The following TENM2 variants were observed in gnomAD, a reference collection of about 807,000 sequenced individuals.
TENM2 encodes the protein teneurin-2.
In TENM2, 52 loss-of-function variants were observed where a neutral mutation model predicts 245.2. That is an observed-to-expected ratio of 0.21 (90% CI 0.17 to 0.27). TENM2 has a LOEUF of 0.27. Among genes scored for constraint, TENM2 ranks in the 10% least tolerant of loss-of-function variants. The pLI is 1.00. For missense variants in TENM2, 3,046 were observed against 3,666.8 expected, an observed-to-expected ratio of 0.83 and a Z score of 4.37; for synonymous variants, 1,363 against 1,438.9, an observed-to-expected ratio of 0.95 and a Z score of 1.19.
intron 23 of TENM2, 143 bp downstream of exon 25, chr5:168,219,142 C>A: frequency 1.3e-6 from 1 of 762,410 alleles, no homozygotes; most frequent in Non-Finnish European, 2.1e-6. Flanking sequence ...TCAAGACATT[C>A]ATGTCCCCTC....
At chr5:167,239,608 C>T in the TENM2 span, among the ~76,000 whole-genome samples, 3 of 152,272 alleles carry the variant, frequency 2.0e-5, no homozygotes, top group East Asian at 3.9e-4. Flanking sequence ...CTTCCTCCCC[C>T]ACTAGTAGTC....
intron 1 of TENM2, among the ~76,000 whole-genome samples, chr5:167,285,580 G>A (rs999162712): frequency 5.3e-5 from 8 of 152,086 alleles, no homozygotes; most frequent in African/African-American, 1.9e-4. Context: ...TTTGGGAGGA[G>A]AATATTTTTC....
At chr5:167,057,813 G>C in the TENM2 span, among the ~76,000 whole-genome samples, 2 of 152,164 alleles carry the variant, frequency 1.3e-5, no homozygotes, top group African/African-American at 2.4e-5. Flanking sequence ...CAGAAGCACA[G>C]GGGGATTTTT....
the TENM2 span, among the ~76,000 whole-genome samples, chr5:167,214,302 A>C: frequency 4.6e-5 from 7 of 152,168 alleles, no homozygotes; most frequent in African/African-American, 1.7e-4. Context: ...AAATTTAACA[A>C]GTAACCTTTC....
chr5:167,661,908 A>G (rs1429983851), intron 2 of TENM2, among the ~76,000 whole-genome samples: 2 of 152,078 alleles, frequency 1.3e-5, no homozygotes, highest in Admixed American at 1.3e-4. Flanking sequence ...AAAAGCATTC[A>G]CCTTCTTAGT....
chr5:167,778,065 G>T (rs1009286561), intron 2 of TENM2, among the ~76,000 whole-genome samples: 4 of 152,194 alleles, frequency 2.6e-5, no homozygotes, highest in African/African-American at 9.6e-5. Context: ...ACTGCAAAGG[G>T]TAAAATATTT....
intron 2 of TENM2, among the ~76,000 whole-genome samples, chr5:167,380,804 A>G (rs1405771406): frequency 6.6e-6 from 1 of 152,166 alleles, no homozygotes; most frequent in Non-Finnish European, 1.5e-5. Flanking sequence ...CTGCGAAGGC[A>G]GTAAAATGGT....
intron 2 of TENM2, among the ~76,000 whole-genome samples, chr5:167,604,202 T>A (rs902463154): frequency 2.6e-5 from 4 of 152,184 alleles, no homozygotes; most frequent in African/African-American, 9.6e-5. Context: ...TAATGTCTGG[T>A]ACATAGGAGA....
chr5:167,118,735 C>T, the TENM2 span, among the ~76,000 whole-genome samples: 1 of 152,056 alleles, frequency 6.6e-6, no homozygotes, highest in Non-Finnish European at 1.5e-5. Flanking sequence ...CAATATATCA[C>T]AAGTGAAGGG....
chr5:167,744,711 GC>G (rs1250023690), intron 2 of TENM2, among the ~76,000 whole-genome samples: 4 of 152,070 alleles, frequency 2.6e-5, no homozygotes, highest in Non-Finnish European at 5.9e-5. Context: ...GGGACTTCTG[GC>G]AGCCACTCTG....
chr5:167,578,065 C>T (rs1220960431), intron 2 of TENM2, among the ~76,000 whole-genome samples: 1 of 152,204 alleles, frequency 6.6e-6, no homozygotes, highest in Non-Finnish European at 1.5e-5. Context: ...GATGGAGGGT[C>T]TTGAACGGCA....
At chr5:167,492,492 CA>C (rs1314022505) in intron 2 of TENM2, among the ~76,000 whole-genome samples, 1 of 152,098 alleles carries the variant, frequency 6.6e-6, no homozygotes, top group Non-Finnish European at 1.5e-5. Context: ...AAATAATACA[CA>C]ATGTTATTAA....
chr5:168,076,700 A>T (rs1170796697), intron 7 of TENM2, among the ~76,000 whole-genome samples: 1 of 152,222 alleles, frequency 6.6e-6, no homozygotes, highest in African/African-American at 2.4e-5. Flanking sequence ...AGGAACAAAT[A>T]GTTTTACATT....
intron 3 of TENM2, among the ~76,000 whole-genome samples, chr5:167,882,733 A>T (rs1773979727): frequency 6.6e-6 from 1 of 152,176 alleles, no homozygotes; most frequent in African/African-American, 2.4e-5. Context: ...AGCATGGGGG[A>T]AACTGCCCAG....
the TENM2 span, among the ~76,000 whole-genome samples, chr5:167,123,921 A>T: frequency 1.3e-5 from 2 of 152,236 alleles, no homozygotes; most frequent in Non-Finnish European, 2.9e-5. Flanking sequence ...AAAAAGGTGG[A>T]TCTTTAAAGA....
chr5:167,835,004 T>C (rs1248451836), intron 2 of TENM2, among the ~76,000 whole-genome samples: 1 of 152,230 alleles, frequency 6.6e-6, no homozygotes. Flanking sequence ...AAAGATGTTA[T>C]AGGCTTTGAA....
chr5:167,879,487 A>T (rs1331448003), intron 3 of TENM2, among the ~76,000 whole-genome samples: 1 of 152,168 alleles, frequency 6.6e-6, no homozygotes, highest in Non-Finnish European at 1.5e-5. Context: ...GGAATAACTC[A>T]TCTGGAAAAA....
the TENM2 span, among the ~76,000 whole-genome samples, chr5:167,223,048 AT>A: frequency 3.9e-5 from 6 of 152,104 alleles, no homozygotes; most frequent in Admixed American, 2.0e-4. Flanking sequence ...GTAGATTAAA[AT>A]TTTTTGACAT....
At position 167,502,639 on chromosome 5, in the gene TENM2, T is replaced by C. The variant is rs78074362; in HGVS notation, c.502+127166T>C. On this transcript the variant is annotated intron_variant, in intron 2 of 28. Transcript: ENST00000518659. The stretch of plus-strand genomic sequence containing the variant: ...ACTACATTTTGCATGGATAAGTTAT[T>C]TCTCTTCTTTCTAAGGTGTCTAAGA... Among the ~76,000 whole-genome samples the C allele has an allele frequency of 1.1e-3, 165 of 152,316 alleles. 2 individuals are homozygous for C. In the East Asian group the frequency reaches 0.029, roughly 27 times the overall value.
Sources: allele counts gnomAD v4.1 joint callset (sites outside exome capture counted in the v4.1 genomes callset), GRCh38; gene constraint gnomAD v4.1.1; transcripts MANE v1.5; gene names NCBI Gene and HGNC (gene_info 2026-07-23, HGNC 2026-07-21).